Variants in TFEC observed in about 807,000 individuals in gnomAD.
TFEC encodes class E basic helix-loop-helix protein 34.
In TFEC, 31 loss-of-function variants were observed where a neutral mutation model predicts 41.6. The observed-to-expected ratio is 0.74, with a 90% CI of 0.56 to 1.01. The LOEUF is 1.01. TFEC is among the 50% of genes least tolerant of loss of function. The pLI is 0.00. For missense variants in TFEC, 402 were observed against 404.1 expected (o/e 0.99, Z 0.04); for synonymous variants, 143 against 140.6 (o/e 1.02, Z -0.12).
intron 2 of TFEC, among the ~76,000 whole-genome samples, chr7:115,978,500 G>A (rs1000576200): frequency 6.6e-5 from 10 of 152,204 alleles, no homozygotes; most frequent in African/African-American, 2.2e-4. Flanking sequence ...CTGAACACTG[G>A]CAGATCACCT....
At chr7:115,945,247 A>G (rs951835645) in intron 6 of TFEC, among the ~76,000 whole-genome samples, 1 of 150,816 alleles carries the variant, frequency 6.6e-6, no homozygotes, top group African/African-American at 2.4e-5. Context: ...TGCCTCCTCT[A>G]TGCTACCCTT....
chr7:115,962,659 G>A (rs1792621469), intron 3 of TFEC, among the ~76,000 whole-genome samples: 1 of 151,716 alleles, frequency 6.6e-6, no homozygotes, highest in Non-Finnish European at 1.5e-5. Flanking sequence ...GAAGTTAGAT[G>A]TTTACCTAAC....
At chr7:116,099,455 A>G (rs1022283669) in intron 3 of TFEC, among the ~76,000 whole-genome samples, 2 of 152,192 alleles carry the variant, frequency 1.3e-5, no homozygotes, top group Non-Finnish European at 2.9e-5. Flanking sequence ...GCGACTCTAG[A>G]GTTAGCCATG....
At position 115,937,165 on chromosome 7, in the gene TFEC, G is replaced by A. The variant is rs541336933; in HGVS notation, c.*3386C>T. 3.8e-3 allele frequency: 570 copies of A among 151,306 alleles called. 8 individuals carry two copies. Among genetic ancestry groups the A allele is most frequent in the African/African-American group, 0.012 (515 of 41,382 alleles). The allele number at this position is 151,306 out of a possible 1,614,324, so 9.4% of individuals were successfully genotyped here. On this transcript the variant is annotated 3_prime_UTR_variant, in exon 8 of 8. Transcript: ENST00000265440. ...TGGATGGGATATTTTGTTGAAAAAA[G>A]AATGAAAAACAATAAAATTATTGTA...
intron 1 of TFEC, among the ~76,000 whole-genome samples, chr7:116,115,767 T>C (rs930531258): frequency 6.6e-6 from 1 of 151,954 alleles, no homozygotes; most frequent in South Asian, 2.1e-4. Flanking sequence ...AAAGAAACAT[T>C]ATAGGGAGAG....
In TFEC at chr7:115,950,877, T is replaced by C; in HGVS notation, c.512A>G (p.Asp171Gly). The change falls in exon 6 of 8, where the codon GAT becomes GGT. Residue 171 changes from aspartate to glycine, a missense_variant. Coordinates refer to ENST00000265440, the MANE Select transcript of TFEC (RefSeq NM_012252.4). ...TAGAAATGATTGTTGAACTCACGGA[T>C]CATTAGACTTTGGAATAAGAGTGCC... ...ELGTLIPKSN[D>G]PDMRWNKGTI... 1.2e-6 allele frequency: 2 copies of C among 1,601,960 alleles called. No individual in the cohort carries two copies. Among genetic ancestry groups the C allele is most frequent in the Non-Finnish European group, 1.7e-6 (2 of 1,173,334 alleles).
rs1794348893 is a variant in TFEC, at chr7:115,995,918, C to A, written c.-72-11405G>T. Among the ~76,000 whole-genome samples, 3 of 152,174 alleles carry A rather than the reference C, an allele frequency of 2.0e-5. No homozygotes were observed. In the South Asian group the frequency reaches 6.2e-4, roughly 32 times the overall value. ...CCTACCCGGAGGGGAATTGTCCATTCCAGTGGTCAGAAGTTTAGTTCTTGC... is the reference window on the plus strand; with the variant it reads ...CCTACCCGGAGGGGAATTGTCCATTACAGTGGTCAGAAGTTTAGTTCTTGC... On this transcript the variant is annotated intron_variant, in intron 1 of 7. Coordinates refer to ENST00000265440, the MANE Select transcript of TFEC (RefSeq NM_012252.4).
At chr7:115,968,211 C>G (rs1216092752) in intron 3 of TFEC, 1 of 1,531,250 alleles carries the variant, frequency 6.5e-7, no homozygotes, top group Non-Finnish European at 8.7e-7. Flanking sequence ...GTGTCTATAA[C>G]CTTCACAATA....
chr7:116,003,579 C>T (rs902462067), intron 1 of TFEC, among the ~76,000 whole-genome samples: 13 of 151,798 alleles, frequency 8.6e-5, no homozygotes, highest in African/African-American at 2.2e-4. Flanking sequence ...TGATTGAATC[C>T]GACAGGCAGA....
chr7:115,973,003 A>G (rs1793203728), intron 3 of TFEC, among the ~76,000 whole-genome samples: 1 of 152,062 alleles, frequency 6.6e-6, no homozygotes, highest in Non-Finnish European at 1.5e-5. Context: ...TATCAAATGT[A>G]TCTAGAGAAT....
At chr7:116,003,352 A>G (rs1243580662) in intron 1 of TFEC, among the ~76,000 whole-genome samples, 1 of 152,198 alleles carries the variant, frequency 6.6e-6, no homozygotes, top group East Asian at 1.9e-4. Context: ...AACTTTAGAC[A>G]GAGCAGGCCT....
At chr7:116,015,870 T>C (rs998660665) in intron 1 of TFEC, among the ~76,000 whole-genome samples, 7 of 152,122 alleles carry the variant, frequency 4.6e-5, no homozygotes, top group African/African-American at 1.7e-4. Flanking sequence ...CTGTGGAACA[T>C]GTAAGGGGAA....
At chr7:115,974,061 G>T in intron 3 of TFEC, 109 bp downstream of exon 3, 4 of 790,632 alleles carry the variant, frequency 5.1e-6, no homozygotes, top group Admixed American at 3.3e-5. Flanking sequence ...CTTTTATCTT[G>T]TCTGTTTAAA....
chr7:116,069,313 A>G (rs1165884407), intron 3 of TFEC, among the ~76,000 whole-genome samples: 5 of 151,648 alleles, frequency 3.3e-5, no homozygotes, highest in Non-Finnish European at 7.4e-5. Context: ...ATCAATCCCT[A>G]TTTGGGTATA....
At position 115,998,211 on chromosome 7, in the gene TFEC, AC is replaced by A. The variant is rs202087154; in HGVS notation, c.-72-13699del. On this transcript the variant is annotated intron_variant, in intron 1 of 7. Coordinates refer to ENST00000265440, the MANE Select transcript of TFEC (RefSeq NM_012252.4). ...AAGAAAGGATCCTAAAATGAGAAAA[AC>A]AAAATTTTATGCAGTCAGTGGTAAG... Among the ~76,000 whole-genome samples, 1,172 of 152,208 alleles carry A rather than the reference AC, an allele frequency of 7.7e-3. 12 individuals carry two copies. The highest frequency in any genetic ancestry group is 0.01 in the Non-Finnish European group (695 of 67,964).
Position 115,984,435 on chromosome 7 carries a change from G to C in TFEC, c.7C>G (p.Leu3Val), listed in dbSNP as rs766632526. 2.5e-6 allele frequency: 4 copies of C among 1,614,146 alleles called. No individual in the cohort carries two copies. The highest frequency in any genetic ancestry group is 3.4e-6 in the Non-Finnish European group (4 of 1,179,988). ...GTTGGATTGATGATCTGATGATCAA[G>C]GGTCATGAAAGAGTTTACTTTCTGT... MT[L>V]DHQIINPTLK... is the part of the protein sequence containing the mutation. Residue 3 changes from leucine to valine, a missense_variant, in exon 2 of 8, where the codon CTT becomes GTT. Coordinates refer to ENST00000265440, the MANE Select transcript of TFEC (RefSeq NM_012252.4).
rs1424215835 is a variant in TFEC, at chr7:116,151,550, T to C, written c.-69+8240A>G. Among the ~76,000 whole-genome samples the C allele has an allele frequency of 3.3e-5, 5 of 152,168 alleles. No homozygotes were observed. The East Asian group carries it at 7.7e-4, about 23-fold the overall frequency. On this transcript the variant is annotated intron_variant, in intron 1 of 8. Coordinates refer to the TFEC transcript ENST00000484212. ...GAGCCACTGTGCCCAGACCTAGCTG[T>C]TGAAATTTTTATTCTTCAGTTGGAT...
chr7:116,064,970 A>G (rs188710168), intron 3 of TFEC, among the ~76,000 whole-genome samples: 9 of 152,300 alleles, frequency 5.9e-5, no homozygotes, highest in Admixed American at 3.3e-4. Context: ...AAAATAATCA[A>G]GATATTCTAT....
chr7:116,030,544 C>A, intron 1 of TFEC, 89 bp downstream of exon 1: 1 of 789,014 alleles, frequency 1.3e-6, no homozygotes, highest in Non-Finnish European at 1.5e-6. Context: ...AAGCAAGCCA[C>A]ACATATCAAA....
Sources: allele counts gnomAD v4.1 joint callset (sites outside exome capture counted in the v4.1 genomes callset), GRCh38; gene constraint gnomAD v4.1.1; transcripts MANE v1.5; gene names NCBI Gene and HGNC (gene_info 2026-07-23, HGNC 2026-07-21).